Variants in RSU1 observed in about 807,000 individuals in gnomAD.
The protein encoded by RSU1 is rsu-1.
Under a neutral mutation model 31.1 loss-of-function variants are expected in RSU1, and 26 were observed. The observed-to-expected ratio is 0.84, with a 90% CI of 0.61 to 1.16. The LOEUF (loss-of-function observed/expected upper bound fraction) is 1.16, where lower values mean the gene tolerates loss of function less well. RSU1 is among the 50% of genes most tolerant of loss of function. RSU1 has a pLI of 0.00. For missense variants in RSU1, 320 were observed against 339.1 expected, an observed-to-expected ratio of 0.94 and a Z score of 0.44; for synonymous variants, 164 against 136.3, an observed-to-expected ratio of 1.20 and a Z score of -1.41.
intron 8 of RSU1, among the ~76,000 whole-genome samples, chr10:16,663,268 G>T (rs1834920980): frequency 6.6e-6 from 1 of 152,152 alleles, no homozygotes; most frequent in African/African-American, 2.4e-5. Flanking sequence ...TACACCAGGA[G>T]GAAGAAGCAT....
intron 8 of RSU1, among the ~76,000 whole-genome samples, chr10:16,641,001 A>G (rs1834432127): frequency 6.6e-6 from 1 of 152,170 alleles, no homozygotes; most frequent in Admixed American, 6.5e-5. Flanking sequence ...TGTTCCCACC[A>G]TGGCCACCAT....
chr10:16,719,675 T>G (rs998215158), intron 7 of RSU1, among the ~76,000 whole-genome samples: 1 of 152,218 alleles, frequency 6.6e-6, no homozygotes, highest in African/African-American at 2.4e-5. Context: ...GTAAGCCTCA[T>G]GGGCACAGGG....
At chr10:16,616,178 C>G (rs2131472927) in intron 8 of RSU1, among the ~76,000 whole-genome samples, 1 of 151,968 alleles carries the variant, frequency 6.6e-6, no homozygotes, top group Non-Finnish European at 1.5e-5. Flanking sequence ...GGGGATATCA[C>G]CCCTGATCCC....
chr10:16,604,857 G>C lies in RSU1; in HGVS notation c.732-11361C>G, dbSNP rs561944512. On this transcript the variant is annotated intron_variant, in intron 8 of 8. Coordinates refer to ENST00000345264, the MANE Select transcript of RSU1 (RefSeq NM_012425.4). ...GCACGGGGCCAACAAGAGCCAGCGA[G>C]AAAAACAGGCCTCACATGGGAGCTC... 5.3e-5 allele frequency among the ~76,000 whole-genome samples: 8 copies of C among 152,264 alleles called. No homozygotes were observed. In the South Asian group the frequency reaches 1.0e-3, roughly 20 times the overall value.
chr10:16,617,483 C>T (rs1238937446), intron 8 of RSU1, among the ~76,000 whole-genome samples: 1 of 152,130 alleles, frequency 6.6e-6, no homozygotes, highest in Non-Finnish European at 1.5e-5. Flanking sequence ...TAGAAAAAAA[C>T]TACTTTACCT....
chr10:16,758,524 G>C (rs1480109223), intron 4 of RSU1, among the ~76,000 whole-genome samples: 1 of 152,178 alleles, frequency 6.6e-6, no homozygotes, highest in Non-Finnish European at 1.5e-5. Context: ...GAGGAGACCG[G>C]CTCCAGCACT....
chr10:16,722,961 T>C (rs572507327), intron 7 of RSU1: 62 of 150,066 alleles, frequency 4.1e-4, no homozygotes, highest in African/African-American at 1.5e-3. Context: ...TATACACACA[T>C]ATACATATAT....
chr10:16,677,487 T>G (rs550444444), intron 8 of RSU1, among the ~76,000 whole-genome samples: 1 of 152,184 alleles, frequency 6.6e-6, no homozygotes, highest in Non-Finnish European at 1.5e-5. Context: ...ATGCAGGTCC[T>G]GAATTTTTCT....
At chr10:16,717,793 C>A (rs1484057079) in intron 7 of RSU1, among the ~76,000 whole-genome samples, 3 of 151,930 alleles carry the variant, frequency 2.0e-5, no homozygotes, top group Non-Finnish European at 4.4e-5. Flanking sequence ...AATGTCTATC[C>A]CGCCTCTCAA....
At chr10:16,813,138 A>AT in intron 2 of RSU1, among the ~76,000 whole-genome samples, 1 of 151,966 alleles carries the variant, frequency 6.6e-6, no homozygotes, top group African/African-American at 2.4e-5. Context: ...TCATTTTTTA[A>AT]TTTTTTGTAG....
rs1833513717 is a variant in RSU1 at position 16,591,992 on chromosome 10, C to A, written c.*1402G>T. On this transcript the variant is annotated 3_prime_UTR_variant, in exon 9 of 9. Coordinates refer to ENST00000345264, the MANE Select transcript of RSU1 (RefSeq NM_012425.4). ...TTGTCTAGAAGCCAGAAGTTTAGAC[C>A]TTGCTCTGTGGCCTCTCTGATTGAA... 6.6e-6 allele frequency: 1 copy of A among 152,212 alleles called. No individual in the cohort carries two copies. The highest frequency in any genetic ancestry group is 2.1e-4 in the South Asian group (1 of 4,834). 9.4% of individuals were successfully genotyped at this position (152,212 alleles called of 1,614,324 possible).
At chr10:16,810,327 C>T (rs1416760178) in intron 2 of RSU1, among the ~76,000 whole-genome samples, 2 of 152,140 alleles carry the variant, frequency 1.3e-5, no homozygotes, top group East Asian at 3.8e-4. Context: ...AAAATACATT[C>T]AATAAATAGT....
intron 8 of RSU1, among the ~76,000 whole-genome samples, chr10:16,645,701 G>T (rs1042821458): frequency 1.3e-5 from 2 of 151,180 alleles, no homozygotes; most frequent in Non-Finnish European, 2.9e-5. Context: ...CAACTACTTG[G>T]GAGGCTGAGG....
chr10:16,664,469 T>C (rs549479474), intron 8 of RSU1, among the ~76,000 whole-genome samples: 30 of 152,354 alleles, frequency 2.0e-4, no homozygotes, highest in African/African-American at 7.2e-4. Flanking sequence ...GTACTGCTTA[T>C]TTCCCAAAAT....
At chr10:16,666,276 A>G (rs138314441) in intron 8 of RSU1, among the ~76,000 whole-genome samples, 378 of 152,308 alleles carry the variant, frequency 2.5e-3, no homozygotes, top group African/African-American at 7.5e-3. Context: ...AATAGATCAT[A>G]TCTACATCTT....
At chr10:16,740,419 C>T (rs1836727146) in intron 7 of RSU1, among the ~76,000 whole-genome samples, 1 of 152,178 alleles carries the variant, frequency 6.6e-6, no homozygotes, top group Non-Finnish European at 1.5e-5. Flanking sequence ...TGACTGGATG[C>T]TTTCCCCTTA....
At chr10:16,800,238 C>G (rs1219248209) in intron 2 of RSU1, among the ~76,000 whole-genome samples, 3 of 152,136 alleles carry the variant, frequency 2.0e-5, no homozygotes, top group African/African-American at 7.2e-5. Flanking sequence ...GGAGAGAAAT[C>G]AAGCAAAAGA....
chr10:16,788,946 C>A (rs1837855735), intron 2 of RSU1, among the ~76,000 whole-genome samples: 1 of 152,216 alleles, frequency 6.6e-6, no homozygotes, highest in Non-Finnish European at 1.5e-5. Flanking sequence ...CTCACACCTG[C>A]AGACCATCCA....
chr10:16,715,574 T>C (rs1564329351), intron 7 of RSU1, among the ~76,000 whole-genome samples: 2 of 152,202 alleles, frequency 1.3e-5, no homozygotes, highest in Non-Finnish European at 2.9e-5. Flanking sequence ...CTTTTCCCCA[T>C]TGAGTGGTTT....
Sources: allele counts gnomAD v4.1 joint callset (sites outside exome capture counted in the v4.1 genomes callset), GRCh38; gene constraint gnomAD v4.1.1; transcripts MANE v1.5; gene names NCBI Gene and HGNC (gene_info 2026-07-23, HGNC 2026-07-21).